TLL1: variants seen among roughly 807,000 people sequenced by gnomAD.
TLL1 encodes the protein tolloid like 1, also known as tolloid-like protein 1.
In TLL1, 49 loss-of-function variants were observed where a neutral mutation model predicts 128.2. That is an observed-to-expected ratio of 0.38 (90% CI 0.30 to 0.48). The LOEUF is 0.48. TLL1 is among the 20% of genes least tolerant of loss of function. TLL1 has a pLI of 0.96. For synonymous variants in TLL1, 454 were observed against 418.8 expected, an observed-to-expected ratio of 1.08 and a Z score of -1.03; for missense variants, 1,123 against 1,242.0, an observed-to-expected ratio of 0.90 and a Z score of 1.44.
Position 166,101,052 on chromosome 4 carries a change from G to C in TLL1, c.*176G>C, listed in dbSNP as rs550356185. On this transcript the variant is annotated 3_prime_UTR_variant, in exon 21 of 21. Coordinates refer to ENST00000061240, the MANE Select transcript of TLL1 (RefSeq NM_012464.5). ...GAAGTTTCCAGCAAAACCCTCATCA[G>C]CATTACAAGGATATTTGAACTCCAT... 1 of 721,152 alleles carries C rather than the reference G, an allele frequency of 1.4e-6. No individual in the cohort carries two copies. Among genetic ancestry groups the C allele is most frequent in the Non-Finnish European group, 2.2e-6 (1 of 449,580 alleles). The allele number at this position is 721,152 out of a possible 1,614,324, so 44.7% of individuals were successfully genotyped here.
rs942916662 is a variant in TLL1, at chr4:165,936,223, CTTTTTTT to C, written c.170-53150_170-53144del. On this transcript the variant is annotated intron_variant, in intron 1 of 20. Transcript: ENST00000061240. ...ATATATATATTTTTTTTTCTTTTTT[CTTTTTTT>C]TTTTTTTGAGATGGAGTCACACTCT... Among the ~76,000 whole-genome samples, 273 of 120,878 alleles carry C rather than the reference CTTTTTTT, an allele frequency of 2.3e-3. 2 individuals carry two copies. The highest frequency in any genetic ancestry group is 7.9e-3 in the African/African-American group (252 of 32,078). 79.3% of individuals were successfully genotyped at this position (120,878 alleles called of 152,430 possible).
intron 1 of TLL1, among the ~76,000 whole-genome samples, chr4:165,979,592 T>A (rs568716624): frequency 6.6e-6 from 1 of 152,064 alleles, no homozygotes; most frequent in Non-Finnish European, 1.5e-5. Context: ...AAGGGAAACA[T>A]AGATAAGGTA....
intron 1 of TLL1, among the ~76,000 whole-genome samples, chr4:165,973,959 C>T (rs1256961159): frequency 4.6e-5 from 7 of 151,918 alleles, no homozygotes; most frequent in Non-Finnish European, 1.0e-4. Flanking sequence ...AGCCACTGTG[C>T]CCAACCAGCG....
chr4:165,958,941 T>C (rs2110955201), intron 1 of TLL1, among the ~76,000 whole-genome samples: 1 of 135,558 alleles, frequency 7.4e-6, no homozygotes, highest in East Asian at 2.0e-4. Context: ...GCTAGCCAGT[T>C]TTCCCAGCAC....
intron 1 of TLL1, among the ~76,000 whole-genome samples, chr4:165,893,526 T>A (rs553411726): frequency 2.0e-5 from 3 of 152,270 alleles, no homozygotes; most frequent in East Asian, 3.9e-4. Context: ...GAAAGCTGCA[T>A]AGAGAAAGAA....
rs564296985 is a variant in TLL1 at position 165,990,528 on chromosome 4, A to C, written c.280+1037A>C. Among the ~76,000 whole-genome samples the C allele has an allele frequency of 1.2e-3, 176 of 152,102 alleles. 1 individual carries two copies. The highest frequency in any genetic ancestry group is 2.1e-3 in the Non-Finnish European group (145 of 67,940). On this transcript the variant is annotated intron_variant, in intron 2 of 20. Transcript: ENST00000061240. ...ATTTCTACCTATTAGATTGTAGAAT[A>C]GTGGTATTCTTACTTGTTAGATTCA... is the stretch of plus-strand genomic sequence containing the variant.
Position 165,968,594 on chromosome 4 carries a change from G to C in TLL1, c.170-20787G>C, listed in dbSNP as rs59619517. Among the ~76,000 whole-genome samples the C allele has an allele frequency of 5.1e-3, 779 of 152,268 alleles. 11 individuals carry two copies. Among genetic ancestry groups the C allele is most frequent in the African/African-American group, 0.017 (725 of 41,566 alleles). On this transcript the variant is annotated intron_variant, in intron 1 of 20. Transcript: ENST00000061240. ...AATAGTTAGGTACATGAATATTTAA[G>C]TGAATGTGGAAGTATTGACTTTTTC... is the stretch of plus-strand genomic sequence containing the variant.
chr4:166,078,709 A>G (rs1219684262), intron 18 of TLL1, among the ~76,000 whole-genome samples: 2 of 95,084 alleles, frequency 2.1e-5, no homozygotes, highest in Non-Finnish European at 3.9e-5. Context: ...TATAATCTAA[A>G]GAAATAAAAT....
At chr4:165,895,646 A>AAAAAAAAAAAAAC (rs1731639194) in intron 1 of TLL1, among the ~76,000 whole-genome samples, 1 of 148,290 alleles carries the variant, frequency 6.7e-6, no homozygotes, top group African/African-American at 2.5e-5. Flanking sequence ...AAAAAAAAAA[A>AAAAAAAAAAAAAC]AAAAAAAAAA....
intron 19 of TLL1, among the ~76,000 whole-genome samples, chr4:166,091,986 G>GT (rs1741796415): frequency 6.6e-6 from 1 of 151,964 alleles, no homozygotes; most frequent in Admixed American, 6.6e-5. Context: ...TTTGGAGACA[G>GT]TTTAGTTATA....
rs140462743 is a variant in TLL1, at chr4:165,949,787, C to T, written c.170-39594C>T. Among the ~76,000 whole-genome samples, 124 of 152,228 alleles carry T rather than the reference C, an allele frequency of 8.1e-4. 1 individual carries two copies. Among genetic ancestry groups the T allele is most frequent in the African/African-American group, 2.9e-3 (122 of 41,532 alleles). On this transcript the variant is annotated intron_variant, in intron 1 of 20. Transcript: ENST00000061240. ...TGATTCCATTATCTCCCACCGGGTC[C>T]CTCCCACAATATGTGGGAATTATGG...
At chr4:165,893,685 G>A (rs973412554) in intron 1 of TLL1, among the ~76,000 whole-genome samples, 1 of 152,112 alleles carries the variant, frequency 6.6e-6, no homozygotes, top group Non-Finnish European at 1.5e-5. Context: ...AATTCCTTGG[G>A]GCTCACCCAG....
At chr4:166,096,288 T>C (rs1253104785) in intron 19 of TLL1, among the ~76,000 whole-genome samples, 1 of 151,400 alleles carries the variant, frequency 6.6e-6, no homozygotes, top group Non-Finnish European at 1.5e-5. Context: ...TGAGCGGTGA[T>C]CCATAGGAAT....
At chr4:166,050,347 A>G (rs1414389947) in intron 12 of TLL1, among the ~76,000 whole-genome samples, 2 of 152,142 alleles carry the variant, frequency 1.3e-5, no homozygotes, top group East Asian at 1.9e-4. Flanking sequence ...TCATCTATCA[A>G]TGAACCTGTG....
intron 12 of TLL1, among the ~76,000 whole-genome samples, chr4:166,051,685 A>G (rs1226423483): frequency 6.6e-6 from 1 of 152,180 alleles, no homozygotes; most frequent in Admixed American, 6.5e-5. Flanking sequence ...AACTGGAAAA[A>G]TAAGTAACTG....
At chr4:165,914,061 A>T (rs1490618733) in intron 1 of TLL1, among the ~76,000 whole-genome samples, 1 of 152,036 alleles carries the variant, frequency 6.6e-6, no homozygotes. Context: ...AGTCTCTAGA[A>T]TCCTCTCATT....
At chr4:165,912,170 G>C (rs1732563500) in intron 1 of TLL1, among the ~76,000 whole-genome samples, 1 of 152,124 alleles carries the variant, frequency 6.6e-6, no homozygotes, top group Admixed American at 6.5e-5. Context: ...TGTTGTCCCT[G>C]GAGCCAGAAA....
Position 165,962,442 on chromosome 4 carries a change from A to G in TLL1, c.170-26939A>G, listed in dbSNP as rs142776832. Among the ~76,000 whole-genome samples the G allele has an allele frequency of 2.2e-3, 335 of 152,278 alleles. 4 individuals carry two copies. Among genetic ancestry groups the G allele is most frequent in the African/African-American group, 7.5e-3 (313 of 41,562 alleles). On this transcript the variant is annotated intron_variant, in intron 1 of 20. Transcript: ENST00000061240. ...AATAACAGGTGTTGGCTGTGCTGGC[A>G]GAGAGAATGAAACCCTTACACACTG...
intron 1 of TLL1, among the ~76,000 whole-genome samples, chr4:165,900,469 G>T (rs1731928042): frequency 6.6e-6 from 1 of 152,078 alleles, no homozygotes; most frequent in African/African-American, 2.4e-5. Context: ...GTCTGTAAAG[G>T]ATTTTATTTC....
Sources: gnomAD v4.1 joint callset for allele counts (sites outside exome capture counted in the v4.1 genomes callset) on GRCh38, gnomAD v4.1.1 for gene constraint, MANE v1.5 for transcripts, NCBI Gene and HGNC (gene_info 2026-07-23, HGNC 2026-07-21) for gene names.